CAMK2B: variants seen among roughly 807,000 people sequenced by gnomAD.
The protein encoded by CAMK2B is calcium/calmodulin-dependent protein kinase type II subunit beta.
CAMK2B carries 27 observed loss-of-function variants against 93.7 expected under a neutral mutation model. That is an observed-to-expected ratio of 0.29 (90% CI 0.21 to 0.40). The LOEUF (loss-of-function observed/expected upper bound fraction) is 0.40, where lower values mean the gene tolerates loss of function less well. CAMK2B is among the 10% of genes least tolerant of loss of function. The pLI is 1.00. For synonymous variants in CAMK2B, 374 were observed against 358.8 expected, an observed-to-expected ratio of 1.04 and a Z score of -0.48; for missense variants, 568 against 895.8, an observed-to-expected ratio of 0.63 and a Z score of 4.67.
intron 5 of CAMK2B, among the ~76,000 whole-genome samples, chr7:44,252,767 C>T (rs1183321720): frequency 6.6e-6 from 1 of 152,188 alleles, no homozygotes; most frequent in African/African-American, 2.4e-5. Context: ...CAGGCAGCAG[C>T]AGGCTCTGTG....
chr7:44,276,663 T>C (rs2097047310), intron 2 of CAMK2B, among the ~76,000 whole-genome samples: 1 of 152,026 alleles, frequency 6.6e-6, no homozygotes, highest in Non-Finnish European at 1.5e-5. Context: ...CGCATGGGCC[T>C]GCAGGCAGGA....
intron 1 of CAMK2B, among the ~76,000 whole-genome samples, chr7:44,295,064 G>A (rs1787926818): frequency 1.3e-5 from 2 of 152,186 alleles, no homozygotes; most frequent in African/African-American, 2.4e-5. Context: ...GTGAATTCTG[G>A]ACTTATAACT....
intron 13 of CAMK2B, among the ~76,000 whole-genome samples, chr7:44,237,846 T>C (rs1454183888): frequency 6.6e-6 from 1 of 152,188 alleles, no homozygotes; most frequent in Non-Finnish European, 1.5e-5. Flanking sequence ...CCCTCCATCC[T>C]GGGAAGGCAC....
At chr7:44,250,517 A>G (rs1584205823) in intron 5 of CAMK2B, among the ~76,000 whole-genome samples, 1 of 144,656 alleles carries the variant, frequency 6.9e-6, no homozygotes. Context: ...ATCTTTCAGT[A>G]GTGACATTGC....
rs367731329 is a variant in CAMK2B, at chr7:44,226,570, C to T, written c.1543G>A (p.Val515Met). ...GTPEAEGPSP[V>M]GPPPCPSPTI... ...GGAGATGGGCAGGGCGGGGGCCCCA[C>T]TGGCGAGGGGCCCTCGGCTTCTGGG... Residue 515 changes from valine to methionine, a missense_variant, in exon 20 of 24, where the codon GTG becomes ATG. By Grantham distance (21) the Val-to-Met change is conservative. This residue lies in a region of CAMK2B where 308 missense variants were observed against 292.1 expected (regional missense o/e 1.05). Transcript: ENST00000395749. The T allele has an allele frequency of 6.1e-6, 9 of 1,475,560 alleles. No homozygotes were observed. Among genetic ancestry groups the T allele is most frequent in the Non-Finnish European group, 8.0e-6 (9 of 1,121,310 alleles). 91.4% of individuals were successfully genotyped at this position (1,475,560 alleles called of 1,614,324 possible). A position where few individuals can be genotyped will look rare whatever the true frequency, so the allele number is the denominator to read the frequency against.
At chr7:44,308,603 G>A (rs1792595418) in intron 1 of CAMK2B, among the ~76,000 whole-genome samples, 1 of 152,178 alleles carries the variant, frequency 6.6e-6, no homozygotes, top group Non-Finnish European at 1.5e-5. Context: ...ACACCCGGAG[G>A]GCAGGACAAG....
In CAMK2B at chr7:44,286,132, CATCCAT is replaced by C. The variant is rs1487060880; in HGVS notation, c.66-1913_66-1908del. On this transcript the variant is annotated intron_variant, in intron 1 of 23. Transcript: ENST00000395749. This position sits in a 1 kb window ranked among gnomAD's most constrained non-coding sequence, Gnocchi z 4.0. Reference sequence around the variant, plus strand: ...ACAGCTCTCTGAGCCTCAGTTTCCCCATCCATATGACTGAGCAGAAGAGCCTTCCGG... The same window carrying C: ...ACAGCTCTCTGAGCCTCAGTTTCCCCATGACTGAGCAGAAGAGCCTTCCGG... 6.6e-6 allele frequency among the ~76,000 whole-genome samples: 1 copy of C among 152,072 alleles called. No homozygotes were observed.
At chr7:44,300,484 G>GA (rs897552713) in intron 1 of CAMK2B, among the ~76,000 whole-genome samples, 238 of 136,986 alleles carry the variant, frequency 1.7e-3, no homozygotes, top group African/African-American at 3.9e-3. Context: ...ATTGATATCA[G>GA]AAAAAAAAAA....
At chr7:44,256,139 C>T (rs2096831516) in intron 4 of CAMK2B, among the ~76,000 whole-genome samples, 1 of 152,234 alleles carries the variant, frequency 6.6e-6, no homozygotes, top group African/African-American at 2.4e-5. Context: ...CCTCTCACTC[C>T]TCATGGGCCA....
In CAMK2B at chr7:44,323,113, C is replaced by T. The variant is rs192445773; in HGVS notation, c.65+2244G>A. On this transcript the variant is annotated intron_variant, in intron 1 of 23. Transcript: ENST00000395749. ...CACCTCTATGGCACGGCTGCACCCC[C>T]GAGGAATCGGTCCCTTCCCTACCCA... is the stretch of plus-strand genomic sequence containing the variant. 2.8e-3 allele frequency among the ~76,000 whole-genome samples: 425 copies of T among 152,352 alleles called. 2 individuals are homozygous for T. Among genetic ancestry groups the T allele is most frequent in the African/African-American group, 9.6e-3 (401 of 41,584 alleles).
intron 6 of CAMK2B, among the ~76,000 whole-genome samples, chr7:44,246,597 GTA>G (rs1478922602): frequency 6.6e-6 from 1 of 151,450 alleles, no homozygotes; most frequent in Non-Finnish European, 1.5e-5. Flanking sequence ...CATGCCATAT[GTA>G]TACACACATG....
chr7:44,272,248 C>T (rs2096981895), intron 2 of CAMK2B, among the ~76,000 whole-genome samples: 1 of 152,166 alleles, frequency 6.6e-6, no homozygotes, highest in Non-Finnish European at 1.5e-5. Flanking sequence ...AACCCCGGCC[C>T]AAGGTCTGGG....
At chr7:44,278,844 G>T (rs976289818) in intron 2 of CAMK2B, among the ~76,000 whole-genome samples, 12 of 152,356 alleles carry the variant, frequency 7.9e-5, no homozygotes, top group South Asian at 6.2e-4. Flanking sequence ...AGGGGATGAG[G>T]TTCCCTCAAA....
At chr7:44,306,236 G>A (rs1329294044) in intron 1 of CAMK2B, among the ~76,000 whole-genome samples, 2 of 152,128 alleles carry the variant, frequency 1.3e-5, no homozygotes, top group East Asian at 1.9e-4. Context: ...TGGGATCCCC[G>A]TAAATCCAGC....
intron 4 of CAMK2B, among the ~76,000 whole-genome samples, chr7:44,256,351 G>A (rs2096833609): frequency 6.6e-6 from 1 of 152,226 alleles, no homozygotes; most frequent in Non-Finnish European, 1.5e-5. Context: ...GTGAGCACAT[G>A]TGCATGTGTG....
chr7:44,220,840 G>A lies in CAMK2B; in HGVS notation c.1659C>T (p.Asp553=). The A allele has an allele frequency of 6.4e-6, 10 of 1,570,504 alleles. No individual in the cohort carries two copies. Among genetic ancestry groups the A allele is most frequent in the Non-Finnish European group, 8.6e-6 (10 of 1,156,894 alleles). ...EQLIEAVNNG[D]FEAYAKICDP... is the part of the protein sequence containing the mutation. The stretch of plus-strand genomic sequence containing the variant: ...CAGGGACTCACGCGTAGGCCTCAAA[G>A]TCACCGTTGTTGACGGCCTCGATGA... Residue 553 remains aspartate (D), a synonymous_variant, in exon 21 of 24, where the codon GAC becomes GAT. Transcript: ENST00000395749.
chr7:44,249,247 ATGGC>A (rs561710082), intron 5 of CAMK2B, among the ~76,000 whole-genome samples: 2 of 152,158 alleles, frequency 1.3e-5, no homozygotes, highest in African/African-American at 4.8e-5. Context: ...GAGCCTAAGC[ATGGC>A]TGGCTGGCTG....
chr7:44,305,974 C>T (rs968507890), intron 1 of CAMK2B, among the ~76,000 whole-genome samples: 1 of 151,974 alleles, frequency 6.6e-6, no homozygotes, highest in African/African-American at 2.4e-5. Context: ...TAAACATTGA[C>T]CAGGCACCAC....
chr7:44,317,320 C>T (rs1203110399), intron 1 of CAMK2B, among the ~76,000 whole-genome samples: 2 of 151,600 alleles, frequency 1.3e-5, no homozygotes, highest in Admixed American at 6.6e-5. Flanking sequence ...GTCACTGTCA[C>T]CATGTAGTCA....
Sources: allele counts gnomAD v4.1 joint callset (sites outside exome capture counted in the v4.1 genomes callset), GRCh38; gene constraint gnomAD v4.1.1; regional missense constraint gnomAD v4.1.1; non-coding constraint Gnocchi (gnomAD v3.1); transcripts MANE v1.5; gene names NCBI Gene and HGNC (gene_info 2026-07-23, HGNC 2026-07-21).